NOPCHAP1: variants seen among roughly 807,000 people sequenced by gnomAD.
NOPCHAP1 encodes the protein DNA damage-sensitive RNA 1.
Under a neutral mutation model 14.0 loss-of-function variants are expected in NOPCHAP1, and 13 were observed. That is an observed-to-expected ratio of 0.93 (90% CI 0.60 to 1.47). The LOEUF (loss-of-function observed/expected upper bound fraction) is 1.47. Ranked by LOEUF, NOPCHAP1 falls within the 40% of genes most tolerant of loss-of-function variation. The probability of loss-of-function intolerance (pLI) is 0.00; values close to 1 mark genes in which losing one functional copy is unlikely to be tolerated. For missense variants in NOPCHAP1, 230 were observed against 226.9 expected (o/e 1.01, Z -0.09); for synonymous variants, 78 against 78.4 (o/e 1.00, Z 0.03).
chr12:104,988,629 T>G (rs1873302119), intron 2 of NOPCHAP1, among the ~76,000 whole-genome samples: 1 of 152,216 alleles, frequency 6.6e-6, no homozygotes, highest in South Asian at 2.1e-4. Context: ...TTACTTAGAA[T>G]ACAGCATAAT....
intron 3 of NOPCHAP1, 28 bp from the exon 4 acceptor site, chr12:104,994,450 T>G: frequency 6.3e-7 from 1 of 1,588,592 alleles, no homozygotes; most frequent in African/African-American, 1.3e-5. Context: ...TGCTCTGAAA[T>G]AGATTTCCTG....
At position 105,015,607 on chromosome 12, in the gene NOPCHAP1, C is replaced by T. The variant is rs1161258636; in HGVS notation, c.*20911C>T. On this transcript the variant is annotated 3_prime_UTR_variant, in exon 4 of 4. Transcript: ENST00000552951. ...CTTAGGCTGTCCCACTTCGTCTCGC[C>T]TGGGATGTGAATTGTCCTTTTGTCC... The T allele has an allele frequency of 6.6e-6, 1 of 152,186 alleles. No individual in the cohort carries two copies. Among genetic ancestry groups the T allele is most frequent in the East Asian group, 1.9e-4 (1 of 5,196 alleles). The allele number at this position is 152,186 out of a possible 1,614,324, so 9.4% of individuals were successfully genotyped here. A position where few individuals can be genotyped will look rare whatever the true frequency, so the allele number is the denominator to read the frequency against.
Position 105,000,428 on chromosome 12 carries a change from G to A in NOPCHAP1, c.*5732G>A, listed in dbSNP as rs1873586123. The stretch of plus-strand genomic sequence containing the variant: ...GCCCACAAACCCAAACAGTTGCTCT[G>A]TTTTTTCTGCTAGAGCATGAGCCTT... On this transcript the variant is annotated 3_prime_UTR_variant, in exon 4 of 4. Coordinates refer to ENST00000552951, the MANE Select transcript of NOPCHAP1 (RefSeq NM_152318.3). 6.6e-6 allele frequency: 1 copy of A among 152,076 alleles called. No homozygotes were observed. Among genetic ancestry groups the A allele is most frequent in the African/African-American group, 2.4e-5 (1 of 41,400 alleles). The allele number at this position is 152,076 out of a possible 1,614,324, so 9.4% of individuals were successfully genotyped here. A position where few individuals can be genotyped will look rare whatever the true frequency, so the allele number is the denominator to read the frequency against.
At position 105,002,296 on chromosome 12, in the gene NOPCHAP1, T is replaced by C. The variant is rs1873624456; in HGVS notation, c.*7600T>C. Reference sequence around the variant, plus strand: ...TTACTTACTCTATTCTCTCAAAATGTTGGGCTAGGGCCACCAATTCAATCA... The same window carrying C: ...TTACTTACTCTATTCTCTCAAAATGCTGGGCTAGGGCCACCAATTCAATCA... On this transcript the variant is annotated 3_prime_UTR_variant, in exon 4 of 4. Coordinates refer to ENST00000552951, the MANE Select transcript of NOPCHAP1 (RefSeq NM_152318.3). 6.6e-6 allele frequency: 1 copy of C among 152,226 alleles called. No homozygotes were observed. Among genetic ancestry groups the C allele is most frequent in the Non-Finnish European group, 1.5e-5 (1 of 68,036 alleles). The allele number at this position is 152,226 out of a possible 1,614,324, so 9.4% of individuals were successfully genotyped here.
chr12:105,014,949 A>T lies in NOPCHAP1; in HGVS notation c.*20253A>T, dbSNP rs150870061. 6.6e-6 allele frequency: 1 copy of T among 152,290 alleles called. No individual in the cohort carries two copies. Among genetic ancestry groups the T allele is most frequent in the African/African-American group, 2.4e-5 (1 of 41,564 alleles). 9.4% of individuals were successfully genotyped at this position (152,290 alleles called of 1,614,324 possible). ...AGGAAAGAGGCCTGAGAATTTAAGG[A>T]CTATCTGTGAGTGGGCAGAGCTGAT... On this transcript the variant is annotated 3_prime_UTR_variant, in exon 4 of 4. Coordinates refer to ENST00000552951, the MANE Select transcript of NOPCHAP1 (RefSeq NM_152318.3).
intron 2 of NOPCHAP1, among the ~76,000 whole-genome samples, chr12:104,989,990 TC>T (rs1213935597): frequency 1.3e-5 from 2 of 152,224 alleles, no homozygotes; most frequent in Non-Finnish European, 2.9e-5. Context: ...TTTCTTTTCT[TC>T]CTTGAACATA....
intron 1 of NOPCHAP1, among the ~76,000 whole-genome samples, chr12:104,987,018 A>G (rs867426715): frequency 1.3e-5 from 2 of 152,190 alleles, no homozygotes; most frequent in African/African-American, 2.4e-5. Flanking sequence ...ACTAGTAATT[A>G]ACTGGTGGGA....
Position 105,002,963 on chromosome 12 carries a change from C to G in NOPCHAP1, c.*8267C>G, listed in dbSNP as rs1385527771. 3 of 152,094 alleles carry G rather than the reference C, an allele frequency of 2.0e-5. No individual in the cohort carries two copies. Among genetic ancestry groups the G allele is most frequent in the Admixed American group, 2.0e-4 (3 of 15,284 alleles). 9.4% of individuals were successfully genotyped at this position (152,094 alleles called of 1,614,324 possible). The stretch of plus-strand genomic sequence containing the variant: ...TCTTTAGAATGAAAGAGTAGTTGAG[C>G]AAAAAGGTTATTAGACTCAGAGTAT... On this transcript the variant is annotated 3_prime_UTR_variant, in exon 4 of 4. Coordinates refer to ENST00000552951, the MANE Select transcript of NOPCHAP1 (RefSeq NM_152318.3).
chr12:105,015,124 T>C lies in NOPCHAP1; in HGVS notation c.*20428T>C, dbSNP rs1305068306. On this transcript the variant is annotated 3_prime_UTR_variant, in exon 4 of 4. Coordinates refer to ENST00000552951, the MANE Select transcript of NOPCHAP1 (RefSeq NM_152318.3). ...TATTGGAAATTGGAACCAGCTCTCCTTGACTGTGACTCACTCGCTAAATGT... is the reference window on the plus strand; with the variant it reads ...TATTGGAAATTGGAACCAGCTCTCCCTGACTGTGACTCACTCGCTAAATGT... 1 of 152,232 alleles carries C rather than the reference T, an allele frequency of 6.6e-6. No homozygotes were observed. The highest frequency in any genetic ancestry group is 1.5e-5 in the Non-Finnish European group (1 of 68,040). The allele number at this position is 152,232 out of a possible 1,614,324, so 9.4% of individuals were successfully genotyped here.
rs1873727900 is a variant in NOPCHAP1, at chr12:105,007,358, C to G, written c.*12662C>G. 1 of 152,194 alleles carries G rather than the reference C, an allele frequency of 6.6e-6. No homozygotes were observed. The highest frequency in any genetic ancestry group is 2.4e-5 in the African/African-American group (1 of 41,446). The allele number at this position is 152,194 out of a possible 1,614,324, so 9.4% of individuals were successfully genotyped here. On this transcript the variant is annotated 3_prime_UTR_variant, in exon 4 of 4. Coordinates refer to ENST00000552951, the MANE Select transcript of NOPCHAP1 (RefSeq NM_152318.3). The stretch of plus-strand genomic sequence containing the variant: ...TCATTTATCTTGAAATGGTGGGCAA[C>G]TACAGATGCAGACCTCAGTCTATGG...
chr12:104,992,583 C>T (rs975541152), intron 3 of NOPCHAP1, among the ~76,000 whole-genome samples: 1 of 152,196 alleles, frequency 6.6e-6, no homozygotes, highest in Admixed American at 6.5e-5. Flanking sequence ...CTGCAGTTCT[C>T]TATCTCAGAG....
At chr12:104,986,900 C>T (rs1252651000) in intron 1 of NOPCHAP1, among the ~76,000 whole-genome samples, 2 of 152,190 alleles carry the variant, frequency 1.3e-5, no homozygotes, top group South Asian at 2.1e-4. Flanking sequence ...ACACAGACCA[C>T]CCCTTAGTGC....
In NOPCHAP1 at chr12:105,008,838, C is replaced by T. The variant is rs1258212838; in HGVS notation, c.*14142C>T. The T allele has an allele frequency of 6.6e-6, 1 of 152,062 alleles. No homozygotes were observed. Among genetic ancestry groups the T allele is most frequent in the African/African-American group, 2.4e-5 (1 of 41,394 alleles). 9.4% of individuals were successfully genotyped at this position (152,062 alleles called of 1,614,324 possible). A position where few individuals can be genotyped will look rare whatever the true frequency, so the allele number is the denominator to read the frequency against. On this transcript the variant is annotated 3_prime_UTR_variant, in exon 4 of 4. Coordinates refer to ENST00000552951, the MANE Select transcript of NOPCHAP1 (RefSeq NM_152318.3). The stretch of plus-strand genomic sequence containing the variant: ...GAGGCCTCTGTTCTGTTCTGTTGGC[C>T]TGTATATCTCTTTTGGTGCCAGTAC...
At chr12:104,990,386 G>A (rs1873345652) in intron 2 of NOPCHAP1, among the ~76,000 whole-genome samples, 1 of 152,200 alleles carries the variant, frequency 6.6e-6, no homozygotes, top group South Asian at 2.1e-4. Context: ...TGAGGACAGA[G>A]AAATACCTTT....
At chr12:104,988,278 C>T (rs1452042929) in intron 2 of NOPCHAP1, 25 bp downstream of exon 2, 3 of 1,548,128 alleles carry the variant, frequency 1.9e-6, no homozygotes, top group African/African-American at 1.4e-5. Flanking sequence ...CCCTCTCTCA[C>T]CCTCTCTAAT....
rs191958586 is a variant in NOPCHAP1, at chr12:105,002,258, G to A, written c.*7562G>A. On this transcript the variant is annotated 3_prime_UTR_variant, in exon 4 of 4. Coordinates refer to ENST00000552951, the MANE Select transcript of NOPCHAP1 (RefSeq NM_152318.3). ...GTAATTAGAGAGACATGAGCTTTTC[G>A]ACCTTTAGTCTTTTACTTACTCTAT... 132 of 152,218 alleles carry A rather than the reference G, an allele frequency of 8.7e-4. No homozygotes were observed. The highest frequency in any genetic ancestry group is 3.0e-3 in the African/African-American group (126 of 41,526). The allele number at this position is 152,218 out of a possible 1,614,324, so 9.4% of individuals were successfully genotyped here.
rs1873910259 is a variant in NOPCHAP1 at position 105,014,661 on chromosome 12, GAT to G, written c.*19966_*19967del. ...TGGTTGGAAAGATCAGTTTTTAGTT[GAT>G]TTTTTTTTTTTTGTAAAGCAAAACT... On this transcript the variant is annotated 3_prime_UTR_variant, in exon 4 of 4. Transcript: ENST00000552951. 1 of 101,754 alleles carries G rather than the reference GAT, an allele frequency of 9.8e-6. No homozygotes were observed. The highest frequency in any genetic ancestry group is 8.9e-5 in the Admixed American group (1 of 11,182). The allele number at this position is 101,754 out of a possible 1,614,324, so 6.3% of individuals were successfully genotyped here.
At chr12:104,991,200 G>A (rs2136026100) in intron 2 of NOPCHAP1, among the ~76,000 whole-genome samples, 1 of 152,294 alleles carries the variant, frequency 6.6e-6, no homozygotes, top group African/African-American at 2.4e-5. Context: ...GGAGGATGTA[G>A]GCATGTATGG....
rs1873227594 is a variant in NOPCHAP1, at chr12:104,986,355, G to GGAGGTCCATGGC, written c.4_15dup (p.Glu2_Gly5dup). 6.2e-7 allele frequency: 1 copy of GGAGGTCCATGGC among 1,607,722 alleles called. No homozygotes were observed. Among genetic ancestry groups the GGAGGTCCATGGC allele is most frequent in the East Asian group, 2.2e-5 (1 of 44,574 alleles). ...GAGAGTGCAGGCTTGAGGGAAGCAT[G>GGAGGTCCATGGC]GAGGTCCATGGCAAGCCCAAGGCTA... On this transcript the variant is annotated inframe_insertion, in exon 1 of 4. Transcript: ENST00000552951.
Sources: allele counts gnomAD v4.1 joint callset (sites outside exome capture counted in the v4.1 genomes callset), GRCh38; gene constraint gnomAD v4.1.1; transcripts MANE v1.5; gene names NCBI Gene and HGNC (gene_info 2026-07-23, HGNC 2026-07-21).